KIF26B: variants seen among roughly 807,000 people sequenced by gnomAD.
KIF26B encodes kinesin-like protein KIF26B.
In KIF26B, 63 loss-of-function variants were observed where a neutral mutation model predicts 151.2. That is an observed-to-expected ratio of 0.42 (90% confidence interval 0.34 to 0.51). The LOEUF is 0.51. KIF26B is among the 20% of genes least tolerant of loss of function. The pLI, the probability that KIF26B is intolerant of heterozygous loss-of-function variation, is 0.07. For missense variants in KIF26B, 2,813 were observed against 2,913.6 expected, an observed-to-expected ratio of 0.97 and a Z score of 0.79; for synonymous variants, 1,357 against 1,262.1, an observed-to-expected ratio of 1.08 and a Z score of -1.59.
At position 245,367,340 on chromosome 1, in the gene KIF26B, C is replaced by A; in HGVS notation, c.972C>A (p.Thr324=). The A allele has an allele frequency of 6.3e-7, 1 of 1,593,468 alleles. No homozygotes were observed. Among genetic ancestry groups the A allele is most frequent in the East Asian group, 2.3e-5 (1 of 43,800 alleles). Residue 324 remains threonine (T), a synonymous_variant, in exon 3 of 15, where the codon ACC becomes ACA. Coordinates refer to ENST00000407071, the MANE Select transcript of KIF26B (RefSeq NM_018012.4). The surrounding 1 kb of genome is among the most constrained non-coding windows in gnomAD (Gnocchi z 4.2). ...ATGGCACCTGGTCCCTGTCGAGAAC[C>A]AACGGGGTCACCCTGTACCCATACC... ...YLDGTWSLSR[T]NGVTLYPYQI...
chr1:245,284,439 A>G (rs1671130368), intron 2 of KIF26B, among the ~76,000 whole-genome samples: 2 of 152,130 alleles, frequency 1.3e-5, no homozygotes, highest in Admixed American at 6.6e-5. Flanking sequence ...TTGAAAACGC[A>G]GGTGGTGTAA....
At chr1:245,319,182 A>C (rs1423977252) in intron 2 of KIF26B, among the ~76,000 whole-genome samples, 1 of 152,234 alleles carries the variant, frequency 6.6e-6, no homozygotes, top group East Asian at 1.9e-4. Context: ...TATGTGTAGC[A>C]TGTGTCCAGA....
chr1:245,568,673 T>C (rs2043035796), intron 5 of KIF26B, among the ~76,000 whole-genome samples: 1 of 152,166 alleles, frequency 6.6e-6, no homozygotes, highest in South Asian at 2.1e-4. Flanking sequence ...CAGGGTCTCA[T>C]GGGGGTACCT....
intron 2 of KIF26B, among the ~76,000 whole-genome samples, chr1:245,169,681 G>T (rs1049821759): frequency 6.6e-6 from 1 of 152,116 alleles, no homozygotes; most frequent in African/African-American, 2.4e-5. Context: ...TGCTTCCTGT[G>T]TGAGGCATCC....
intron 2 of KIF26B, among the ~76,000 whole-genome samples, chr1:245,246,924 GACACAGACAC>G (rs1194977822): frequency 1.4e-5 from 2 of 141,834 alleles, no homozygotes; most frequent in African/African-American, 5.3e-5. Context: ...GACACACACA[GACACAGACAC>G]ACACAGATAC....
chr1:245,192,926 G>A (rs1669134503), intron 2 of KIF26B, among the ~76,000 whole-genome samples: 1 of 152,134 alleles, frequency 6.6e-6, no homozygotes. Context: ...AGGGCACTGT[G>A]CAGGTTTGTG....
At chr1:245,642,242 G>C (rs937960282) in intron 9 of KIF26B, among the ~76,000 whole-genome samples, 1 of 152,200 alleles carries the variant, frequency 6.6e-6, no homozygotes, top group Non-Finnish European at 1.5e-5. Context: ...AAGAGGGGCA[G>C]AAGTTGAGAC....
intron 2 of KIF26B, among the ~76,000 whole-genome samples, chr1:245,187,351 A>G (rs982831430): frequency 2.6e-5 from 4 of 152,212 alleles, no homozygotes; most frequent in African/African-American, 4.8e-5. Flanking sequence ...GGAGATTGCA[A>G]AGATGGGGCA....
At chr1:245,380,004 C>T (rs1023710702) in intron 3 of KIF26B, among the ~76,000 whole-genome samples, 3 of 151,760 alleles carry the variant, frequency 2.0e-5, no homozygotes, top group Non-Finnish European at 4.4e-5. Flanking sequence ...ACCTACCCCA[C>T]CCCAGACATA....
chr1:245,338,984 G>GTTTTT (rs200327162), intron 2 of KIF26B, among the ~76,000 whole-genome samples: 3 of 140,962 alleles, frequency 2.1e-5, no homozygotes, highest in Admixed American at 7.2e-5. Context: ...TGCTTTTAGG[G>GTTTTT]TTTTTTTTTT....
chr1:245,609,255 G>A lies in KIF26B; in HGVS notation c.1652-11G>A, dbSNP rs2043491947. On this transcript the variant is annotated splice_polypyrimidine_tract_variant and intron_variant, in intron 7 of 14. Transcript: ENST00000407071. ...CTGAACCTGCTTTTCTTCCTTCCCT[G>A]GTTCTCCCAGGAAAATCCTACACCA... 6.3e-7 allele frequency: 1 copy of A among 1,586,310 alleles called. No individual in the cohort carries two copies. The highest frequency in any genetic ancestry group is 1.3e-5 in the African/African-American group (1 of 74,324).
chr1:245,505,333 G>A (rs541220853), intron 4 of KIF26B, among the ~76,000 whole-genome samples: 4 of 152,026 alleles, frequency 2.6e-5, no homozygotes, highest in Non-Finnish European at 5.9e-5. Flanking sequence ...AGCAGACTTG[G>A]GATCTATATT....
At chr1:245,416,083 A>G (rs1200911030) in intron 3 of KIF26B, among the ~76,000 whole-genome samples, 1 of 148,660 alleles carries the variant, frequency 6.7e-6, no homozygotes, top group African/African-American at 2.5e-5. Flanking sequence ...CCTGGCTACC[A>G]TGGAGAAACC....
At chr1:245,576,425 G>A (rs147182993) in intron 5 of KIF26B, among the ~76,000 whole-genome samples, 194 of 152,268 alleles carry the variant, frequency 1.3e-3, no homozygotes, top group African/African-American at 4.5e-3. Flanking sequence ...GAATTTTTCA[G>A]GGATGAATAC....
intron 3 of KIF26B, among the ~76,000 whole-genome samples, chr1:245,396,531 G>A (rs1673846333): frequency 6.6e-6 from 1 of 151,938 alleles, no homozygotes; most frequent in African/African-American, 2.4e-5. Context: ...AGCTACTCAG[G>A]AGGCTGAGGC....
At chr1:245,398,312 G>A (rs1297832033) in intron 3 of KIF26B, among the ~76,000 whole-genome samples, 1 of 152,160 alleles carries the variant, frequency 6.6e-6, no homozygotes, top group East Asian at 1.9e-4. Context: ...CTTGACCCCC[G>A]ATAAAGTAAT....
chr1:245,179,696 G>A (rs1023572553), intron 2 of KIF26B, among the ~76,000 whole-genome samples: 17 of 152,204 alleles, frequency 1.1e-4, no homozygotes, highest in Admixed American at 7.2e-4. Context: ...GGGGAGATAA[G>A]TGTGTAAACA....
intron 2 of KIF26B, among the ~76,000 whole-genome samples, chr1:245,324,849 C>T (rs1277957367): frequency 6.6e-6 from 1 of 152,082 alleles, no homozygotes; most frequent in Non-Finnish European, 1.5e-5. Flanking sequence ...AATCCCAGCA[C>T]TCTGGGAGGT....
In KIF26B at chr1:245,495,821, G is replaced by C. The variant is rs1020047609; in HGVS notation, c.1167-44946G>C. 1.3e-5 allele frequency among the ~76,000 whole-genome samples: 2 copies of C among 152,118 alleles called. No homozygotes were observed. The highest frequency in any genetic ancestry group is 2.9e-5 in the Non-Finnish European group (2 of 68,026). ...GCCAAGGAGAAAAATGATTAAAGCCGTGAGAAAAAAATTCATTATTTTTAA... is the reference window on the plus strand; with the variant it reads ...GCCAAGGAGAAAAATGATTAAAGCCCTGAGAAAAAAATTCATTATTTTTAA... On this transcript the variant is annotated intron_variant, in intron 4 of 14. Coordinates refer to ENST00000407071, the MANE Select transcript of KIF26B (RefSeq NM_018012.4). This position sits in a 1 kb window ranked among gnomAD's most constrained non-coding sequence, Gnocchi z 4.2.
Sources: allele counts gnomAD v4.1 joint callset (sites outside exome capture counted in the v4.1 genomes callset), GRCh38; gene constraint gnomAD v4.1.1; non-coding constraint Gnocchi (gnomAD v3.1); transcripts MANE v1.5; gene names NCBI Gene and HGNC (gene_info 2026-07-23, HGNC 2026-07-21).